NAV3: variants seen among roughly 807,000 people sequenced by gnomAD.
NAV3 encodes the protein neuron navigator 3.
In NAV3, 87 loss-of-function variants were observed where a neutral mutation model predicts 244.7. The ratio of observed to expected loss-of-function variants is 0.36; its 90% confidence interval spans 0.30 to 0.42. The LOEUF is 0.42. Ranked by LOEUF, NAV3 falls within the 20% of genes least tolerant of loss-of-function variation. NAV3 has a pLI of 1.00. For missense variants in NAV3, 2,663 were observed against 2,893.3 expected, an observed-to-expected ratio of 0.92 and a Z score of 1.83; for synonymous variants, 1,126 against 1,042.2, an observed-to-expected ratio of 1.08 and a Z score of -1.55.
intron 1 of NAV3, among the ~76,000 whole-genome samples, chr12:77,878,908 T>A (rs1200692500): frequency 6.6e-6 from 1 of 152,196 alleles, no homozygotes; most frequent in Non-Finnish European, 1.5e-5. Context: ...CGTACCAACC[T>A]CATTACATTC....
In NAV3 at chr12:78,119,468, C is replaced by G; in HGVS notation, c.3272C>G (p.Ala1091Gly). Residue 1091 changes from alanine to glycine, a missense_variant, in exon 15 of 40, where the codon GCA becomes GGA. This residue lies in a region of NAV3 where 1,521 missense variants were observed against 1,497.0 expected (regional missense o/e 1.02). Coordinates refer to ENST00000397909, the MANE Select transcript of NAV3 (RefSeq NM_001024383.2). ...GGAGCAACCATAACAAGTGGCTCTGCAACACTGGGTAAAATTCCAAAATCT... is the reference window on the plus strand; with the variant it reads ...GGAGCAACCATAACAAGTGGCTCTGGAACACTGGGTAAAATTCCAAAATCT... Reference protein sequence around the residue: ...SSGATITSGSATLGKIPKSAA... With the variant: ...SSGATITSGSGTLGKIPKSAA... 6.2e-7 allele frequency: 1 copy of G among 1,614,160 alleles called. No individual in the cohort carries two copies. The highest frequency in any genetic ancestry group is 2.2e-5 in the East Asian group (1 of 44,882).
Position 77,666,831 on chromosome 12 carries a change from G to A in NAV3, c.72+94565G>A, listed in dbSNP as rs74597916. On this transcript the variant is annotated intron_variant, in intron 2 of 8. Transcript: ENST00000550042. ...GAGTATTTTCTATCTGCTGCTTGTC[G>A]TGTTGGGTAACAATGGCTTTCTTTT... Among the ~76,000 whole-genome samples, 29 of 152,180 alleles carry A rather than the reference G, an allele frequency of 1.9e-4. 1 individual carries two copies. In the East Asian group the frequency reaches 4.1e-3, roughly 21 times the overall value.
chr12:78,188,889 T>A, intron 33 of NAV3, 112 bp downstream of exon 33: 1 of 904,178 alleles, frequency 1.1e-6, no homozygotes, highest in Non-Finnish European at 1.6e-6. Context: ...TTGAAAACTC[T>A]GTAGTATTTT....
In NAV3 at chr12:77,831,292, T is replaced by G; in HGVS notation, c.-170T>G. On this transcript the variant is annotated 5_prime_UTR_variant, in exon 1 of 40. It removes an upstream start codon present in the reference 5' UTR. Coordinates refer to ENST00000397909, the MANE Select transcript of NAV3 (RefSeq NM_001024383.2). Reference sequence around the variant, plus strand: ...GAAAGAAAAGATACTTAACTAAAGATGCAGGGAAGTTTTGCCTCTTCCTGA... The same window carrying G: ...GAAAGAAAAGATACTTAACTAAAGAGGCAGGGAAGTTTTGCCTCTTCCTGA... 1 of 577,932 alleles carries G rather than the reference T, an allele frequency of 1.7e-6. No individual in the cohort carries two copies. The allele number at this position is 577,932 out of a possible 1,614,324, so 35.8% of individuals were successfully genotyped here. A position where few individuals can be genotyped will look rare whatever the true frequency, so the allele number is the denominator to read the frequency against.
At chr12:77,645,093 T>C (rs558737769) in intron 2 of NAV3, among the ~76,000 whole-genome samples, 2 of 152,184 alleles carry the variant, frequency 1.3e-5, no homozygotes, top group South Asian at 2.1e-4. Context: ...CCACGTCTGT[T>C]AGGCCATGTT....
At chr12:78,103,351 A>C (rs992734087) in intron 12 of NAV3, among the ~76,000 whole-genome samples, 4 of 152,170 alleles carry the variant, frequency 2.6e-5, no homozygotes, top group Admixed American at 6.5e-5. Flanking sequence ...CATCCGAGAC[A>C]ACCTCAGCCT....
intron 11 of NAV3, among the ~76,000 whole-genome samples, chr12:78,052,787 C>T (rs151207417): frequency 2.0e-3 from 310 of 152,242 alleles, no homozygotes; most frequent in African/African-American, 7.1e-3. Flanking sequence ...ATTCTTTCCA[C>T]TCTATCCCCT....
chr12:78,162,816 C>A (rs1283096608), intron 23 of NAV3, among the ~76,000 whole-genome samples: 1 of 145,626 alleles, frequency 6.9e-6, no homozygotes, highest in African/African-American at 2.5e-5. Context: ...AAGCCGAGGT[C>A]ATGCCACTGC....
In NAV3 at chr12:77,719,673, A is replaced by T. The variant is rs190680652; in HGVS notation, c.72+147407A>T. Among the ~76,000 whole-genome samples the T allele has an allele frequency of 1.9e-3, 296 of 152,140 alleles. 1 individual carries two copies. Among genetic ancestry groups the T allele is most frequent in the Admixed American group, 2.9e-3 (45 of 15,260 alleles). ...TTGGCCATGGTGTATGATCCTTTTA[A>T]TATGTTGTTAAATTCAGTTTGCTAG... On this transcript the variant is annotated intron_variant, in intron 2 of 8. Transcript: ENST00000550042.
chr12:78,180,659 T>G (rs943659506), intron 29 of NAV3, among the ~76,000 whole-genome samples: 35 of 152,172 alleles, frequency 2.3e-4, no homozygotes, highest in African/African-American at 7.0e-4. Context: ...TTGTCTATAT[T>G]TGTGAATTCA....
intron 2 of NAV3, among the ~76,000 whole-genome samples, chr12:77,687,066 T>G (rs2137140572): frequency 6.6e-6 from 1 of 152,252 alleles, no homozygotes; most frequent in Admixed American, 6.5e-5. Context: ...CTGCAAGTAT[T>G]ACCATATGCA....
At chr12:78,008,553 G>T (rs193024307) in intron 8 of NAV3, among the ~76,000 whole-genome samples, 6 of 152,072 alleles carry the variant, frequency 3.9e-5, no homozygotes, top group Non-Finnish European at 7.4e-5. Flanking sequence ...TAGGAAGCAG[G>T]ACCCACTATA....
intron 2 of NAV3, among the ~76,000 whole-genome samples, chr12:77,820,111 C>T (rs972166566): frequency 4.2e-5 from 6 of 142,162 alleles, no homozygotes; most frequent in Non-Finnish European, 8.0e-5. Context: ...TGTGTGTGTG[C>T]ACACGCACTA....
intron 1 of NAV3, among the ~76,000 whole-genome samples, chr12:77,857,233 T>C (rs1030103809): frequency 1.3e-5 from 2 of 152,078 alleles, no homozygotes; most frequent in Admixed American, 1.3e-4. Flanking sequence ...GTCTCTAAAA[T>C]GAAGATCATA....
intron 3 of NAV3, among the ~76,000 whole-genome samples, chr12:77,946,766 T>G (rs1890387820): frequency 6.6e-6 from 1 of 152,166 alleles, no homozygotes; most frequent in Non-Finnish European, 1.5e-5. Flanking sequence ...CAACATTTAC[T>G]TAGAATGCAG....
chr12:78,056,593 G>T (rs1290421188), intron 11 of NAV3, among the ~76,000 whole-genome samples: 1 of 152,090 alleles, frequency 6.6e-6, no homozygotes, highest in East Asian at 1.9e-4. Flanking sequence ...GCTGGGCATG[G>T]TGGTGCACAC....
At chr12:77,752,976 A>C (rs1868939309) in intron 2 of NAV3, among the ~76,000 whole-genome samples, 1 of 152,178 alleles carries the variant, frequency 6.6e-6, no homozygotes, top group Non-Finnish European at 1.5e-5. Flanking sequence ...ATACAGTCTT[A>C]GACTTTTTAT....
intron 4 of NAV3, among the ~76,000 whole-genome samples, chr12:77,967,381 A>C (rs903569523): frequency 4.6e-5 from 7 of 152,134 alleles, no homozygotes; most frequent in Non-Finnish European, 1.0e-4. Context: ...GTAGCCTCAG[A>C]TTGATGAAGC....
At chr12:78,092,496 T>C (rs1012282049) in intron 12 of NAV3, among the ~76,000 whole-genome samples, 135 of 132,318 alleles carry the variant, frequency 1.0e-3, no homozygotes, top group African/African-American at 3.5e-3. Context: ...ATTTTCTTTT[T>C]TTTTTTTTTT....
Sources: gnomAD v4.1 joint callset for allele counts (sites outside exome capture counted in the v4.1 genomes callset) on GRCh38, gnomAD v4.1.1 for gene constraint, gnomAD v4.1.1 regional missense constraint, MANE v1.5 for transcripts, NCBI Gene and HGNC (gene_info 2026-07-23, HGNC 2026-07-21) for gene names.